Variants in KPNB1 observed in about 807,000 individuals in gnomAD.
KPNB1 encodes the protein karyopherin subunit beta 1.
KPNB1 carries 7 observed loss-of-function variants against 113.0 expected under a neutral mutation model. The ratio of observed to expected loss-of-function variants is 0.06; its 90% confidence interval spans 0.04 to 0.12. The LOEUF (loss-of-function observed/expected upper bound fraction) is 0.12, where lower values mean the gene tolerates loss of function less well. KPNB1 is among the 10% of genes least tolerant of loss of function. The probability of loss-of-function intolerance (pLI) is 1.00; values close to 1 mark genes in which losing one functional copy is unlikely to be tolerated. For missense variants in KPNB1, 400 were observed against 1,054.8 expected (o/e 0.38, Z 8.60); for synonymous variants, 363 against 378.6 (o/e 0.96, Z 0.48).
At position 47,684,430 on chromosome 17, in the gene KPNB1, A is replaced by G. The variant is rs1173776422; in HGVS notation, c.*2026A>G. 2 of 152,192 alleles carry G rather than the reference A, an allele frequency of 1.3e-5. No individual in the cohort carries two copies. The highest frequency in any genetic ancestry group is 2.9e-5 in the Non-Finnish European group (2 of 68,042). 9.4% of individuals were successfully genotyped at this position (152,192 alleles called of 1,614,324 possible). A position where few individuals can be genotyped will look rare whatever the true frequency, so the allele number is the denominator to read the frequency against. On this transcript the variant is annotated 3_prime_UTR_variant, in exon 22 of 22. Transcript: ENST00000290158. ...TCATACCAGCTCCTAAGCCCTATTA[A>G]GAAGAGGCCTGGTCCTCTAATGCCT...
chr17:47,677,849 T>G (rs572320888), intron 17 of KPNB1, among the ~76,000 whole-genome samples, 197 bp from the exon 18 acceptor site: 3 of 152,316 alleles, frequency 2.0e-5, no homozygotes, highest in Admixed American at 2.0e-4. Context: ...AGTCTCCTCA[T>G]GTGTAAAGTG....
chr17:47,671,880 A>G (rs1597935205), intron 12 of KPNB1: 1 of 152,296 alleles, frequency 6.6e-6, no homozygotes, highest in East Asian at 1.9e-4. Flanking sequence ...CAGTTGACTT[A>G]GAAACAAGCT....
chr17:47,672,703 T>C (rs2030486553), intron 12 of KPNB1, among the ~76,000 whole-genome samples: 1 of 152,214 alleles, frequency 6.6e-6, no homozygotes, highest in Admixed American at 6.5e-5. Flanking sequence ...AATTGGGGTA[T>C]TTTCTTCATA....
chr17:47,667,141 G>C (rs949946567), intron 9 of KPNB1, among the ~76,000 whole-genome samples: 9 of 150,924 alleles, frequency 6.0e-5, no homozygotes, highest in Admixed American at 2.0e-4. Context: ...GGTGGCGTTG[G>C]GGGGTACAGA....
rs771333078 is a variant in KPNB1 at position 47,682,699 on chromosome 17, T to C, written c.*295T>C. 1.7e-4 allele frequency: 78 copies of C among 462,204 alleles called. No individual in the cohort carries two copies. The highest frequency in any genetic ancestry group is 2.9e-4 in the Non-Finnish European group (74 of 258,860). 28.6% of individuals were successfully genotyped at this position (462,204 alleles called of 1,614,324 possible). A position where few individuals can be genotyped will look rare whatever the true frequency, so the allele number is the denominator to read the frequency against. Reference sequence around the variant, plus strand: ...CTTATTTAAAAAAAAAGAAAGAAAGTTATCTCTTCCCAGGAGAGGCTAGAA... The same window carrying C: ...CTTATTTAAAAAAAAAGAAAGAAAGCTATCTCTTCCCAGGAGAGGCTAGAA... On this transcript the variant is annotated 3_prime_UTR_variant, in exon 22 of 22. Transcript: ENST00000290158.
In KPNB1 at chr17:47,673,539, C is replaced by G. The variant is rs1207407958; in HGVS notation, c.1745C>G (p.Ser582Cys). 1.2e-6 allele frequency: 2 copies of G among 1,613,202 alleles called. No homozygotes were observed. Among genetic ancestry groups the G allele is most frequent in the Non-Finnish European group, 8.5e-7 (1 of 1,179,154 alleles). ...AGAATCCAGTTCAATGACCTTCAGTCTTTACTCTGTGCAACTCTTCAGGTA... is the reference window on the plus strand; with the variant it reads ...AGAATCCAGTTCAATGACCTTCAGTGTTTACTCTGTGCAACTCTTCAGGTA... ...SDRIQFNDLQ[S>C]LLCATLQNVL... Residue 582 changes from serine to cysteine, a missense_variant, in exon 14 of 22, where the codon TCT (serine) becomes TGT (cysteine). Transcript: ENST00000290158.
chr17:47,681,265 C>CT (rs535906429), intron 21 of KPNB1, among the ~76,000 whole-genome samples: 3,627 of 122,666 alleles, frequency 0.03, 95 homozygotes, highest in East Asian at 0.15. Flanking sequence ...TTTTCTTCTT[C>CT]TTTTTTTTTT....
At chr17:47,652,096 C>T (rs1048348147) in intron 2 of KPNB1, among the ~76,000 whole-genome samples, 9 of 152,028 alleles carry the variant, frequency 5.9e-5, no homozygotes, top group Admixed American at 3.9e-4. Flanking sequence ...ACAAATAAAA[C>T]GGAGGATGAG....
At chr17:47,671,477 CATT>C (rs553127096) in intron 12 of KPNB1, among the ~76,000 whole-genome samples, 139 of 152,212 alleles carry the variant, frequency 9.1e-4, no homozygotes, top group African/African-American at 3.2e-3. Context: ...TGATAGTACT[CATT>C]ATGAATTTGA....
intron 19 of KPNB1, 35 bp downstream of exon 19, chr17:47,678,448 G>A (rs1418899945): frequency 8.3e-6 from 12 of 1,447,088 alleles, no homozygotes; most frequent in Admixed American, 3.4e-5. Context: ...TCGTCCGCTC[G>A]CCAATGTGCA....
chr17:47,680,357 T>G, intron 20 of KPNB1, 151 bp from the exon 21 acceptor site: 1 of 884,716 alleles, frequency 1.1e-6, no homozygotes, highest in Non-Finnish European at 1.8e-6. Context: ...CTGATGTTGG[T>G]CAACAATTGC....
chr17:47,668,557 T>C (rs1335653523), intron 10 of KPNB1, 147 bp downstream of exon 10: 4 of 674,492 alleles, frequency 5.9e-6, no homozygotes, highest in Admixed American at 2.9e-5. Flanking sequence ...GGGTAAAATA[T>C]ATTTCTTAGG....
At chr17:47,681,864 C>T (rs2030797183) in intron 21 of KPNB1, among the ~76,000 whole-genome samples, 1 of 151,122 alleles carries the variant, frequency 6.6e-6, no homozygotes, top group South Asian at 2.1e-4. Context: ...GACAGAGTCT[C>T]CTCTGTCACC....
chr17:47,658,206 A>G (rs1350607695), intron 4 of KPNB1, among the ~76,000 whole-genome samples: 1 of 152,234 alleles, frequency 6.6e-6, no homozygotes, highest in Non-Finnish European at 1.5e-5. Flanking sequence ...AGTCTGTTAC[A>G]TAAAATGGTG....
At chr17:47,656,384 A>G (rs2029904135) in intron 3 of KPNB1, among the ~76,000 whole-genome samples, 1 of 152,194 alleles carries the variant, frequency 6.6e-6, no homozygotes, top group Non-Finnish European at 1.5e-5. Flanking sequence ...CATCTCTACT[A>G]AAAACCCAAA....
At position 47,673,081 on chromosome 17, in the gene KPNB1, A is replaced by G. The variant is rs753184271; in HGVS notation, c.1611A>G (p.Lys537=). Residue 537 remains lysine, a synonymous_variant, in exon 13 of 22, where the codon AAA becomes AAG. Coordinates refer to ENST00000290158, the MANE Select transcript of KPNB1 (RefSeq NM_002265.6). Reference sequence around the variant, plus strand: ...ATGAATCTCTGATGGAAATTGTGAAAAACAGTGCCAAGGATTGTTATCCTG... The same window carrying G: ...ATGAATCTCTGATGGAAATTGTGAAGAACAGTGCCAAGGATTGTTATCCTG... ...SAYESLMEIV[K]NSAKDCYPAV... 1.9e-6 allele frequency: 3 copies of G among 1,614,162 alleles called. No homozygotes were observed. The Admixed American group carries it at 5.0e-5, about 27-fold the overall frequency.
Position 47,651,976 on chromosome 17 carries a change from G to C in KPNB1, c.100-718G>C, listed in dbSNP as rs1468838457. On this transcript the variant is annotated intron_variant, in intron 2 of 21. Transcript: ENST00000290158. ...CATTAGATACAAAGTTATTTTGCTT[G>C]AACAGCTTGCCTGAAGATTTTTTCT... 2.6e-5 allele frequency among the ~76,000 whole-genome samples: 4 copies of C among 152,196 alleles called. No homozygotes were observed. In the East Asian group the frequency reaches 7.7e-4, roughly 29 times the overall value.
In KPNB1 at chr17:47,650,277, G is replaced by C; in HGVS notation, c.33G>C (p.Val11=). Residue 11 remains valine (V), a synonymous_variant, in exon 1 of 22, where the codon GTG becomes GTC. Coordinates refer to ENST00000290158, the MANE Select transcript of KPNB1 (RefSeq NM_002265.6). ...TGATCACCATTCTCGAGAAGACCGT[G>C]TCTCCCGGTAGGACGCAGGAGCCGG... The part of the protein sequence containing the change: MELITILEKT[V]SPDRLELEAA... 6.2e-7 allele frequency: 1 copy of C among 1,604,032 alleles called. No homozygotes were observed. Among genetic ancestry groups the C allele is most frequent in the Non-Finnish European group, 8.5e-7 (1 of 1,175,338 alleles).
chr17:47,661,092 TTCTC>T (rs1187237534), intron 5 of KPNB1, 23 bp from the exon 6 acceptor site: 4 of 1,584,178 alleles, frequency 2.5e-6, no homozygotes, highest in African/African-American at 1.3e-5. Context: ...GCTCTCCTAA[TTCTC>T]TTTATTTTTA....
Sources: allele counts gnomAD v4.1 joint callset (sites outside exome capture counted in the v4.1 genomes callset), GRCh38; gene constraint gnomAD v4.1.1; transcripts MANE v1.5; gene names NCBI Gene and HGNC (gene_info 2026-07-23, HGNC 2026-07-21).